Variants in SCARA3 observed in about 807,000 individuals in gnomAD.
The protein encoded by SCARA3 is scavenger receptor class A member 3.
Under a neutral mutation model 47.0 loss-of-function variants are expected in SCARA3, and 39 were observed. That is an observed-to-expected ratio of 0.83 (90% CI 0.64 to 1.08). SCARA3 has a LOEUF of 1.08. Ranked by LOEUF, SCARA3 falls within the 50% of genes least tolerant of loss-of-function variation. The pLI is 0.00. For missense variants in SCARA3, 724 were observed against 792.3 expected, an observed-to-expected ratio of 0.91 and a Z score of 1.04; for synonymous variants, 356 against 334.1, an observed-to-expected ratio of 1.07 and a Z score of -0.71.
At position 27,659,042 on chromosome 8, in the gene SCARA3, G is replaced by A. The variant is rs750554219; in HGVS notation, c.872G>A (p.Ser291Asn). The A allele has an allele frequency of 3.7e-6, 6 of 1,614,116 alleles. No homozygotes were observed. In the Admixed American group the frequency reaches 1.0e-4, roughly 27 times the overall value. ...CTGGGGGCCTCCTCACAGCGCATCAGCCAGAACTCAGAGAGCATGCACGAC... is the reference window on the plus strand; with the variant it reads ...CTGGGGGCCTCCTCACAGCGCATCAACCAGAACTCAGAGAGCATGCACGAC... ...ATLGASSQRI[S>N]QNSESMHDLV... Residue 291 changes from serine to asparagine, a missense_variant, in exon 5 of 6, where the codon AGC becomes AAC. Physicochemically the swap from Ser to Asn is conservative, Grantham distance 46. Transcript: ENST00000301904.
intron 5 of SCARA3, among the ~76,000 whole-genome samples, chr8:27,664,707 T>C (rs1801979510): frequency 6.7e-6 from 1 of 149,464 alleles, no homozygotes; most frequent in South Asian, 2.1e-4. Context: ...GCTGCTGTCC[T>C]AGTCATGCGT....
At chr8:27,692,254 C>A in the SCARA3 span, among the ~76,000 whole-genome samples, 1 of 152,100 alleles carries the variant, frequency 6.6e-6, no homozygotes, top group Non-Finnish European at 1.5e-5. Flanking sequence ...ACCCCCGTCT[C>A]TACTAAAAAT....
rs185534365 is a variant in SCARA3, at chr8:27,644,626, G to A, written c.8-5076G>A. Among the ~76,000 whole-genome samples the A allele has an allele frequency of 2.1e-5, 3 of 142,730 alleles. No individual in the cohort carries two copies. The East Asian group carries it at 5.8e-4, about 28-fold the overall frequency. 93.6% of individuals were successfully genotyped at this position (142,730 alleles called of 152,430 possible). On this transcript the variant is annotated intron_variant, in intron 1 of 5. Transcript: ENST00000301904. ...ACAAAATGAAGAAAAGAAGGGGAGA[G>A]AGAGAGAGAGAGAGAGAGAGAAGAG...
At chr8:27,694,100 G>A in the SCARA3 span, among the ~76,000 whole-genome samples, 2 of 152,164 alleles carry the variant, frequency 1.3e-5, no homozygotes, top group African/African-American at 2.4e-5. Flanking sequence ...GATATTTTGG[G>A]TTCACAATTT....
chr8:27,634,105 G>A lies in SCARA3; in HGVS notation c.-96G>A, dbSNP rs914811695. On this transcript the variant is annotated 5_prime_UTR_variant, in exon 1 of 6. Transcript: ENST00000301904. The stretch of plus-strand genomic sequence containing the variant: ...ACGGCCGCGGGCGGCGCCTAGGACG[G>A]CGATCCGCGCCCTGGAGGATCCGCC... 6.7e-5 allele frequency: 82 copies of A among 1,232,104 alleles called. No homozygotes were observed. In the South Asian group the frequency reaches 1.5e-3, roughly 23 times the overall value. 76.3% of individuals were successfully genotyped at this position (1,232,104 alleles called of 1,614,324 possible).
the SCARA3 span, among the ~76,000 whole-genome samples, chr8:27,710,893 G>C: frequency 6.7e-6 from 1 of 148,198 alleles, no homozygotes; most frequent in African/African-American, 2.5e-5. Context: ...ATATGATTTC[G>C]AGCAAGAATC....
the SCARA3 span, chr8:27,702,843 C>T: frequency 7.5e-4 from 114 of 152,410 alleles, no homozygotes; most frequent in Non-Finnish European, 1.4e-3. Context: ...AAGGCCGAAT[C>T]GCCTCATTTC....
intron 5 of SCARA3, among the ~76,000 whole-genome samples, chr8:27,664,523 C>T (rs1801976295): frequency 6.6e-6 from 1 of 152,126 alleles, no homozygotes; most frequent in Non-Finnish European, 1.5e-5. Flanking sequence ...AGTGCCCACC[C>T]AGGAAAGGAG....
At chr8:27,650,684 C>T (rs1801612339) in intron 2 of SCARA3, among the ~76,000 whole-genome samples, 1 of 152,122 alleles carries the variant, frequency 6.6e-6, no homozygotes, top group South Asian at 2.1e-4. Context: ...CACTGCATTC[C>T]CACTGGGTGT....
chr8:27,668,559 A>AAAAAAAAG (rs1239515241), intron 5 of SCARA3, among the ~76,000 whole-genome samples: 1 of 149,776 alleles, frequency 6.7e-6, no homozygotes, highest in East Asian at 2.0e-4. Context: ...AAAAAAAAAA[A>AAAAAAAAG]AAAGAAATCA....
At chr8:27,659,931 G>A (rs1366902431) in intron 5 of SCARA3, among the ~76,000 whole-genome samples, 1 of 142,034 alleles carries the variant, frequency 7.0e-6, no homozygotes, top group Non-Finnish European at 1.5e-5. Flanking sequence ...AACCTCTTTT[G>A]TAAAGGTATT....
At chr8:27,731,029 T>C in the SCARA3 span, among the ~76,000 whole-genome samples, 1 of 150,702 alleles carries the variant, frequency 6.6e-6, no homozygotes, top group Non-Finnish European at 1.5e-5. Flanking sequence ...ACAGAGGGCC[T>C]GCAGGGAGGA....
chr8:27,634,139 G>C lies in SCARA3; in HGVS notation c.-62G>C. 1.4e-6 allele frequency: 2 copies of C among 1,437,446 alleles called. No individual in the cohort carries two copies. The highest frequency in any genetic ancestry group is 1.8e-6 in the Non-Finnish European group (2 of 1,098,242). The allele number at this position is 1,437,446 out of a possible 1,614,324, so 89.0% of individuals were successfully genotyped here. A position where few individuals can be genotyped will look rare whatever the true frequency, so the allele number is the denominator to read the frequency against. On this transcript the variant is annotated 5_prime_UTR_variant, in exon 1 of 6. Coordinates refer to ENST00000301904, the MANE Select transcript of SCARA3 (RefSeq NM_016240.3). ...GCCCTGGAGGATCCGCCGGCCGCCC[G>C]GCTCCACTACAGCTCCAGCCGCCTG...
chr8:27,731,346 C>T, the SCARA3 span, among the ~76,000 whole-genome samples: 3 of 151,650 alleles, frequency 2.0e-5, no homozygotes, highest in African/African-American at 4.8e-5. Flanking sequence ...GTAATCCTCC[C>T]GCCTCGGCCT....
At chr8:27,677,210 C>T (rs735277), downstream of SCARA3, among the ~76,000 whole-genome samples, 48,594 of 152,142 alleles carry the variant, frequency 0.32, 9,785 homozygotes, top group Non-Finnish European at 0.45. Flanking sequence ...TTCACCTTAG[C>T]TTCCTGTCCG....
rs35361277 is a variant in SCARA3 at position 27,637,709 on chromosome 8, A to T, written c.7+3502A>T. Among the ~76,000 whole-genome samples the T allele has an allele frequency of 1.8e-3, 277 of 152,064 alleles. 3 individuals are homozygous for T. Among genetic ancestry groups the T allele is most frequent in the East Asian group, 0.017 (86 of 5,116 alleles). Reference sequence around the variant, plus strand: ...TCTGTTCCTCAGGCGTGGGAGAAACAACCCCTCCTTCCAGAATCAGAGAGC... The same window carrying T: ...TCTGTTCCTCAGGCGTGGGAGAAACTACCCCTCCTTCCAGAATCAGAGAGC... On this transcript the variant is annotated intron_variant, in intron 1 of 5. Coordinates refer to ENST00000301904, the MANE Select transcript of SCARA3 (RefSeq NM_016240.3).
At position 27,650,242 on chromosome 8, in the gene SCARA3, G is replaced by T. The variant is rs188780413; in HGVS notation, c.106+442G>T. ...ACTCCTGGCCTCAAGTGATCTGCCC[G>T]CCTCAGCCTCCCAAATTGCTGGGGT... On this transcript the variant is annotated intron_variant, in intron 2 of 5. Transcript: ENST00000301904. 5.9e-5 allele frequency among the ~76,000 whole-genome samples: 9 copies of T among 152,168 alleles called. No homozygotes were observed. In the East Asian group the frequency reaches 1.2e-3, roughly 20 times the overall value.
chr8:27,684,756 C>A, the SCARA3 span, among the ~76,000 whole-genome samples: 38 of 151,508 alleles, frequency 2.5e-4, no homozygotes, highest in African/African-American at 9.0e-4. Context: ...TGGCCGGATG[C>A]AATATCACTT....
At chr8:27,697,839 T>TGCCTTCCACCATGATTGTGAG in the SCARA3 span, among the ~76,000 whole-genome samples, 1 of 152,218 alleles carries the variant, frequency 6.6e-6, no homozygotes, top group African/African-American at 2.4e-5. Context: ...GCTACTCGTT[T>TGCCTTCCACCATGATTGTGAG]GCCTTCCACC....
Sources: allele counts gnomAD v4.1 joint callset (sites outside exome capture counted in the v4.1 genomes callset), GRCh38; gene constraint gnomAD v4.1.1; transcripts MANE v1.5; gene names NCBI Gene and HGNC (gene_info 2026-07-23, HGNC 2026-07-21).